SGCD: variants seen among roughly 807,000 people sequenced by gnomAD.
SGCD encodes the protein sarcoglycan delta, also known as delta-sarcoglycan.
Under a neutral mutation model 36.6 loss-of-function variants are expected in SGCD, and 18 were observed. That is an observed-to-expected ratio of 0.49 (90% CI 0.34 to 0.73). SGCD has a LOEUF of 0.73. Among genes scored for constraint, SGCD ranks in the 30% least tolerant of loss-of-function variants. The probability of loss-of-function intolerance (pLI) is 0.01; values close to 1 mark genes in which losing one functional copy is unlikely to be tolerated. For missense variants in SGCD, 387 were observed against 346.7 expected (o/e 1.12, Z -0.92); for synonymous variants, 133 against 130.6 (o/e 1.02, Z -0.12).
chr5:156,473,066 C>T (rs1366548038), intron 3 of SGCD, among the ~76,000 whole-genome samples: 1 of 152,140 alleles, frequency 6.6e-6, no homozygotes, highest in African/African-American at 2.4e-5. Flanking sequence ...TTATCCAATG[C>T]CTACATTGAA....
chr5:156,236,971 T>A lies in SGCD; in HGVS notation c.-43-92563T>A, dbSNP rs553751546. ...GCCTCAGCCTCCCTAGTACCTGGGA[T>A]TACAGGCAGGCACCACCATGCCGGA... On this transcript the variant is annotated intron_variant, in intron 3 of 9. Coordinates refer to the SGCD transcript ENST00000517913. Among the ~76,000 whole-genome samples the A allele has an allele frequency of 2.0e-5, 3 of 151,880 alleles. No individual in the cohort carries two copies. The South Asian group carries it at 6.3e-4, about 32-fold the overall frequency.
intron 7 of SGCD, among the ~76,000 whole-genome samples, chr5:156,698,850 C>CAT (rs1754420700): frequency 6.8e-6 from 1 of 146,316 alleles, no homozygotes; most frequent in Non-Finnish European, 1.5e-5. Flanking sequence ...TACACACACA[C>CAT]ACACACACAC....
intron 3 of SGCD, among the ~76,000 whole-genome samples, chr5:156,449,345 G>A (rs1561702965): frequency 1.3e-5 from 2 of 152,044 alleles, no homozygotes; most frequent in Admixed American, 1.3e-4. Flanking sequence ...CATAAGTTTT[G>A]TAAGGGCGGA....
chr5:156,074,281 A>G (rs1163485463), intron 1 of SGCD, among the ~76,000 whole-genome samples: 1 of 152,164 alleles, frequency 6.6e-6, no homozygotes, highest in Non-Finnish European at 1.5e-5. Flanking sequence ...AACTGATGGG[A>G]TTGTCATCTT....
intron 7 of SGCD, among the ~76,000 whole-genome samples, chr5:156,698,819 ATT>A (rs1463480695): frequency 2.0e-5 from 3 of 147,154 alleles, no homozygotes; most frequent in Non-Finnish European, 4.5e-5. Context: ...GGCTTATTAT[ATT>A]TTGAAAACTA....
chr5:156,727,456 A>G (rs1321349025), intron 7 of SGCD, among the ~76,000 whole-genome samples: 1 of 152,226 alleles, frequency 6.6e-6, no homozygotes, highest in Admixed American at 6.5e-5. Flanking sequence ...TCAATATTTG[A>G]TTGGAGATAG....
chr5:156,613,720 T>G (rs769677128), intron 6 of SGCD, among the ~76,000 whole-genome samples: 3 of 152,188 alleles, frequency 2.0e-5, no homozygotes. Flanking sequence ...TCCAGGTGAT[T>G]CCTATGCGAA....
intron 1 of SGCD, among the ~76,000 whole-genome samples, chr5:156,102,720 A>G (rs1408371893): frequency 1.3e-5 from 2 of 152,144 alleles, no homozygotes; most frequent in African/African-American, 4.8e-5. Context: ...CATTTGTTCT[A>G]TCTCTCTTTC....
chr5:156,516,056 G>A (rs1757144869), intron 4 of SGCD, among the ~76,000 whole-genome samples: 1 of 152,224 alleles, frequency 6.6e-6, no homozygotes, highest in African/African-American at 2.4e-5. Flanking sequence ...AAGCAGCTAT[G>A]GTCTCCAGGC....
the SGCD span, among the ~76,000 whole-genome samples, chr5:155,767,085 A>G: frequency 9.9e-5 from 15 of 152,206 alleles, no homozygotes; most frequent in African/African-American, 3.4e-4. Flanking sequence ...TTAGTCATGC[A>G]TAGCCCCCTG....
At chr5:156,266,120 CA>C (rs1254761439) in intron 3 of SGCD, among the ~76,000 whole-genome samples, 2 of 152,120 alleles carry the variant, frequency 1.3e-5, no homozygotes, top group Non-Finnish European at 2.9e-5. Flanking sequence ...GTGATATTTA[CA>C]TATAAAAAGC....
intron 4 of SGCD, among the ~76,000 whole-genome samples, chr5:156,571,010 C>G (rs1173065590): frequency 6.6e-6 from 1 of 151,960 alleles, no homozygotes; most frequent in Admixed American, 6.6e-5. Context: ...TATTTCTTCT[C>G]TACCATTCTC....
At chr5:156,503,755 G>C (rs914857150) in intron 3 of SGCD, among the ~76,000 whole-genome samples, 1 of 152,154 alleles carries the variant, frequency 6.6e-6, no homozygotes, top group Non-Finnish European at 1.5e-5. Flanking sequence ...GAGATGACAT[G>C]AGATAATTTA....
chr5:156,200,185 A>G (rs1308164709), intron 3 of SGCD, among the ~76,000 whole-genome samples: 2 of 152,126 alleles, frequency 1.3e-5, no homozygotes, highest in Non-Finnish European at 2.9e-5. Flanking sequence ...TATATATGAA[A>G]TCTCAAGGGA....
chr5:155,814,248 G>A, the SGCD span, among the ~76,000 whole-genome samples: 1 of 152,080 alleles, frequency 6.6e-6, no homozygotes, highest in East Asian at 1.9e-4. Flanking sequence ...GAGTTTTCTT[G>A]TTTGCTCTTT....
At chr5:156,487,813 A>AAAAAAAAAAAAAAAAAAAAAAG (rs1554107842) in intron 3 of SGCD, among the ~76,000 whole-genome samples, 3 of 77,798 alleles carry the variant, frequency 3.9e-5, no homozygotes, top group African/African-American at 1.3e-4. Flanking sequence ...AAAAAAAAAA[A>AAAAAAAAAAAAAAAAAAAAAAG]AAAGAAAGAA....
intron 7 of SGCD, among the ~76,000 whole-genome samples, chr5:156,649,884 A>C (rs922747251): frequency 2.8e-4 from 43 of 152,142 alleles, no homozygotes; most frequent in African/African-American, 9.4e-4. Context: ...TTTAAAAAGC[A>C]GGACTCTAAA....
intron 2 of SGCD, among the ~76,000 whole-genome samples, chr5:156,123,264 T>C (rs901046275): frequency 1.3e-5 from 2 of 152,050 alleles, no homozygotes; most frequent in African/African-American, 4.8e-5. Flanking sequence ...ACCTGGAAGA[T>C]GTACCTGGTG....
chr5:155,893,707 T>C (rs1488705078), intron 1 of SGCD, among the ~76,000 whole-genome samples: 1 of 152,170 alleles, frequency 6.6e-6, no homozygotes, highest in African/African-American at 2.4e-5. Context: ...CATAGATAAA[T>C]ATTAAATAAG....
Sources: gnomAD v4.1 joint callset for allele counts (sites outside exome capture counted in the v4.1 genomes callset) on GRCh38, gnomAD v4.1.1 for gene constraint, MANE v1.5 for transcripts, NCBI Gene and HGNC (gene_info 2026-07-23, HGNC 2026-07-21) for gene names.